METTL17: variants seen among roughly 807,000 people sequenced by gnomAD.
METTL17 encodes the protein methyltransferase like 17.
METTL17 carries 49 observed loss-of-function variants against 59.4 expected under a neutral mutation model. That is an observed-to-expected ratio of 0.82 (90% CI 0.66 to 1.05). The LOEUF (loss-of-function observed/expected upper bound fraction) is 1.05. Ranked by LOEUF, METTL17 falls within the 50% of genes least tolerant of loss-of-function variation. The pLI is 0.00. For missense variants in METTL17, 555 were observed against 578.4 expected, an observed-to-expected ratio of 0.96 and a Z score of 0.41; for synonymous variants, 208 against 209.2, an observed-to-expected ratio of 0.99 and a Z score of 0.05.
chr14:20,990,747 A>G (rs1594339115), intron 3 of METTL17, 149 bp downstream of exon 3: 1 of 947,002 alleles, frequency 1.1e-6, no homozygotes, highest in Non-Finnish European at 1.6e-6. Flanking sequence ...ATGCCTTACT[A>G]AAAGAAGGTA....
chr14:20,991,258 G>C (rs1019896023), intron 3 of METTL17, among the ~76,000 whole-genome samples: 3 of 152,060 alleles, frequency 2.0e-5, no homozygotes, highest in African/African-American at 7.3e-5. Context: ...CCCTCTTCTG[G>C]GATAAGAGGG....
At chr14:20,996,113 C>G in intron 11 of METTL17, 96 bp from the exon 12 acceptor site, 1 of 1,316,106 alleles carries the variant, frequency 7.6e-7, no homozygotes, top group Non-Finnish European at 1.1e-6. Flanking sequence ...CCTGTCCTCC[C>G]TTCTCCCTGG....
intron 3 of METTL17, among the ~76,000 whole-genome samples, chr14:20,991,419 C>T (rs890871915): frequency 2.6e-5 from 4 of 151,760 alleles, no homozygotes; most frequent in African/African-American, 4.9e-5. Context: ...AGTCATGAGA[C>T]GTAGATTTTC....
rs937730918 is a variant in METTL17, at chr14:20,990,097, G to A, written c.75+20G>A. 1.5e-5 allele frequency: 24 copies of A among 1,612,490 alleles called. No individual in the cohort carries two copies. Among genetic ancestry groups the A allele is most frequent in the African/African-American group, 8.0e-5 (6 of 74,924 alleles). On this transcript the variant is annotated intron_variant, in intron 1 of 13. Coordinates refer to ENST00000339374, the MANE Select transcript of METTL17 (RefSeq NM_022734.3). ...GCCCGGGTGAGTGCCTACATTCCCT[G>A]CTGTCGGAGAGACTCTGGATCTGCA... is the stretch of plus-strand genomic sequence containing the variant.
intron 12 of METTL17, 96 bp from the exon 13 acceptor site, chr14:20,996,431 T>C: frequency 1.3e-6 from 2 of 1,501,456 alleles, no homozygotes; most frequent in East Asian, 2.3e-5. Flanking sequence ...ATTTATACAT[T>C]GTAAAAAAGG....
chr14:20,990,703 T>C lies in METTL17; in HGVS notation c.364+105T>C. ...CTCTCAGATACTGAAGTCTCTTATT[T>C]GACTTTCTAACCAGAGCAGCAGTTG... On this transcript the variant is annotated intron_variant, in intron 3 of 13. Coordinates refer to ENST00000339374, the MANE Select transcript of METTL17 (RefSeq NM_022734.3). The C allele has an allele frequency of 6.4e-6, 9 of 1,415,910 alleles. No homozygotes were observed. In the South Asian group the frequency reaches 1.1e-4, roughly 17 times the overall value. The allele number at this position is 1,415,910 out of a possible 1,614,324, so 87.7% of individuals were successfully genotyped here.
At position 20,995,929 on chromosome 14, in the gene METTL17, G is replaced by A. The variant is rs946705210; in HGVS notation, c.974G>A (p.Arg325Gln). ...KGKEKSPLDPRPGFVFAPCPH... is the reference protein window; with the variant it reads ...KGKEKSPLDPQPGFVFAPCPH... ...AAAGAGAAGTCACCTTTGGACCCTC[G>A]ACCTGGTTTTGTCTTTGCCCCGGTG... The change falls in exon 11 of 14, where the codon CGA (arginine) becomes CAA (glutamine). Residue 325 changes from arginine to glutamine, a missense_variant. Transcript: ENST00000339374. 2.5e-6 allele frequency: 4 copies of A among 1,613,850 alleles called. No homozygotes were observed. Among genetic ancestry groups the A allele is most frequent in the African/African-American group, 2.7e-5 (2 of 74,826 alleles).
At chr14:20,996,474 AC>A in intron 12 of METTL17, 52 bp from the exon 13 acceptor site, 1 of 1,568,350 alleles carries the variant, frequency 6.4e-7, no homozygotes, top group Non-Finnish European at 8.6e-7. Context: ...GACTGTACAA[AC>A]TTTTTTCCCA....
intron 11 of METTL17, 77 bp from the exon 12 acceptor site, chr14:20,996,132 G>T: frequency 1.4e-6 from 2 of 1,421,700 alleles, no homozygotes; most frequent in South Asian, 1.2e-5. Flanking sequence ...GGCCCCTTTT[G>T]ACTCTATTAT....
At position 20,993,171 on chromosome 14, in the gene METTL17, A is replaced by G; in HGVS notation, c.582A>G (p.Ser194=). ...CACAAACTTTGATGGACTTTGGCTC[A>G]GGTACTGGTTCTGTCACCTGGTGAG... ...FQPQTLMDFG[S]GTGSVTWAAH... The change falls in exon 6 of 14, where the codon TCA becomes TCG. Residue 194 remains serine, a synonymous_variant. Coordinates refer to ENST00000339374, the MANE Select transcript of METTL17 (RefSeq NM_022734.3). 6.2e-7 allele frequency: 1 copy of G among 1,614,156 alleles called. No individual in the cohort carries two copies. Among genetic ancestry groups the G allele is most frequent in the Non-Finnish European group, 8.5e-7 (1 of 1,180,010 alleles).
At position 20,994,880 on chromosome 14, in the gene METTL17, G is replaced by A. The variant is rs1201623328; in HGVS notation, c.855G>A (p.Trp285Ter). 1 of 1,613,836 alleles carries A rather than the reference G, an allele frequency of 6.2e-7. No homozygotes were observed. Among genetic ancestry groups the A allele is most frequent in the Admixed American group, 1.7e-5 (1 of 59,996 alleles). Residue 285 changes from tryptophan to a stop codon, truncating the protein, a stop_gained, in exon 9 of 14, where the codon TGG (tryptophan) becomes TGA (stop). Transcript: ENST00000339374. LOFTEE classifies it high-confidence loss of function. ...GCACTGAGGTAGTTCAAACCTTATG[G>A]CGTAAGACAGGTCATTTCCTGGTGA... ...ADRTEVVQTL[W>*]RKTGHFLVLV...
At position 20,994,000 on chromosome 14, in the gene METTL17, C is replaced by A. The variant is rs902036799; in HGVS notation, c.634C>A (p.Arg212Ser). The A allele has an allele frequency of 6.2e-7, 1 of 1,613,480 alleles. No individual in the cohort carries two copies. ...AAHSIWGQSL[R>S]EYMCVDRSAA... ...TCACAGTATTTGGGGCCAGAGCCTA[C>A]GTGAATATATGTGTGTGGACAGATC... is the stretch of plus-strand genomic sequence containing the variant. The change falls in exon 7 of 14, where the codon CGT (arginine) becomes AGT (serine). Residue 212 changes from arginine (R) to serine (S), a missense_variant. Coordinates refer to ENST00000339374, the MANE Select transcript of METTL17 (RefSeq NM_022734.3).
Position 20,990,037 on chromosome 14 carries a change from G to A in METTL17, c.35G>A (p.Gly12Glu), listed in dbSNP as rs745516047. 3.1e-6 allele frequency: 5 copies of A among 1,613,106 alleles called. No homozygotes were observed. Among genetic ancestry groups the A allele is most frequent in the Middle Eastern group, 3.3e-4 (2 of 6,048 alleles). The change falls in exon 1 of 14, where the codon GGA becomes GAA. Residue 12 changes from glycine to glutamate, a missense_variant. Physicochemically the swap from Gly to Glu is moderately conservative, Grantham distance 98 (BLOSUM62 -2). Coordinates refer to ENST00000339374, the MANE Select transcript of METTL17 (RefSeq NM_022734.3). ...AAALKCLLTLGRWCPGLGVAP... is the reference protein window; with the variant it reads ...AAALKCLLTLERWCPGLGVAP... ...GCACTGAAGTGTCTACTGACATTAGGAAGATGGTGCCCCGGCCTTGGAGTG... is the reference window on the plus strand; with the variant it reads ...GCACTGAAGTGTCTACTGACATTAGAAAGATGGTGCCCCGGCCTTGGAGTG...
At chr14:20,992,425 A>C (rs1880081739) in intron 4 of METTL17, 116 bp from the exon 5 acceptor site, 1 of 865,268 alleles carries the variant, frequency 1.2e-6, no homozygotes, top group Non-Finnish European at 1.9e-6. Flanking sequence ...TGTATTGGGG[A>C]GTGAAAGGCC....
intron 1 of METTL17, 62 bp downstream of exon 1, chr14:20,990,139 G>C (rs1238266756): frequency 6.2e-7 from 1 of 1,608,730 alleles, no homozygotes; most frequent in Non-Finnish European, 8.5e-7. Flanking sequence ...TCTCCGCGCA[G>C]AGGAGGAGCG....
intron 3 of METTL17, among the ~76,000 whole-genome samples, chr14:20,991,016 CG>C (rs1880005654): frequency 6.6e-6 from 1 of 151,964 alleles, no homozygotes; most frequent in East Asian, 1.9e-4. Context: ...TTAGTAGAGA[CG>C]GGGTTTCATC....
chr14:20,990,658 G>T, intron 3 of METTL17, 60 bp downstream of exon 3: 1 of 1,590,914 alleles, frequency 6.3e-7, no homozygotes, highest in Non-Finnish European at 8.6e-7. Context: ...GAAATGAAGA[G>T]TAAGAAATAA....
rs955441567 is a variant in METTL17 at position 20,996,569 on chromosome 14, G to C, written c.1123G>C (p.Ala375Pro). 20 of 1,613,978 alleles carry C rather than the reference G, an allele frequency of 1.2e-5. No homozygotes were observed. The highest frequency in any genetic ancestry group is 1.4e-5 in the Non-Finnish European group (17 of 1,179,970). Residue 375 changes from alanine to proline, a missense_variant, in exon 13 of 14, where the codon GCT becomes CCT. By Grantham distance (27) the Ala-to-Pro change is conservative. Transcript: ENST00000339374. ...AGAAAAGTTCTCTATGGTGATCCTT[G>C]CTCGGGGGTCTCCAGAGGAGGCTCA... ...KEEKFSMVILARGSPEEAHRW... is the reference protein window; with the variant it reads ...KEEKFSMVILPRGSPEEAHRW...
intron 12 of METTL17, 59 bp from the exon 13 acceptor site, chr14:20,996,468 G>A (rs2138743139): frequency 6.4e-7 from 1 of 1,563,980 alleles, no homozygotes; most frequent in South Asian, 1.2e-5. Context: ...AGAAGGGACT[G>A]TACAAACTTT....
Sources: allele counts gnomAD v4.1 joint callset (sites outside exome capture counted in the v4.1 genomes callset), GRCh38; gene constraint gnomAD v4.1.1; transcripts MANE v1.5; gene names NCBI Gene and HGNC (gene_info 2026-07-23, HGNC 2026-07-21).